SEC63: variants seen among roughly 807,000 people sequenced by gnomAD.
The protein encoded by SEC63 is SEC63 protein translocation regulator.
SEC63 carries 56 observed loss-of-function variants against 116.2 expected under a neutral mutation model. That is an observed-to-expected ratio of 0.48 (90% CI 0.39 to 0.60). The LOEUF (loss-of-function observed/expected upper bound fraction) is 0.60, where lower values mean the gene tolerates loss of function less well. SEC63 is among the 20% of genes least tolerant of loss of function. The pLI, the probability that SEC63 is intolerant of heterozygous loss-of-function variation, is 0.00. For missense variants in SEC63, 668 were observed against 900.0 expected, an observed-to-expected ratio of 0.74 and a Z score of 3.30; for synonymous variants, 273 against 294.6, an observed-to-expected ratio of 0.93 and a Z score of 0.75.
At chr6:107,957,222 T>C (rs1770727641) in intron 1 of SEC63, 1 of 152,196 alleles carries the variant, frequency 6.6e-6, no homozygotes, top group Non-Finnish European at 1.5e-5. Context: ...TCCTTCATAC[T>C]TGCACTTTTT....
chr6:107,953,676 C>G (rs867356030), intron 1 of SEC63, among the ~76,000 whole-genome samples: 1 of 123,936 alleles, frequency 8.1e-6, no homozygotes, highest in Non-Finnish European at 1.7e-5. Context: ...CCCGGCCAGC[C>G]GCCCCGTCCG....
intron 1 of SEC63, among the ~76,000 whole-genome samples, chr6:107,939,636 G>A (rs1770330712): frequency 1.3e-5 from 2 of 152,146 alleles, no homozygotes; most frequent in Middle Eastern, 3.4e-3. Context: ...ACCTGTTACT[G>A]GGGATGCTGA....
chr6:107,893,343 G>A (rs1464559856), intron 16 of SEC63, 139 bp downstream of exon 16: 17 of 740,698 alleles, frequency 2.3e-5, no homozygotes, highest in Non-Finnish European at 3.6e-5. Context: ...CACTGACTGA[G>A]AAGAGCACAA....
At position 107,876,574 on chromosome 6, in the gene SEC63, T is replaced by C; in HGVS notation, c.2024A>G (p.Asp675Gly). The change falls in exon 19 of 21, where the codon GAT becomes GGT. Residue 675 changes from aspartate (D) to glycine (G), a missense_variant. This residue lies in a region of SEC63 where 85 missense variants were observed against 116.3 expected (regional missense o/e 0.73). Transcript: ENST00000369002. The stretch of plus-strand genomic sequence containing the variant: ...TTGCTTGATAGTTACCTCCTCTGTA[T>C]CTTTCAGCGTACACACATGATATGG... ...SMPYHVCTLK[D>G]TEEVELKFPA... 1.3e-6 allele frequency: 2 copies of C among 1,594,228 alleles called. No individual in the cohort carries two copies. Among genetic ancestry groups the C allele is most frequent in the Non-Finnish European group, 1.7e-6 (2 of 1,164,640 alleles).
At chr6:107,886,671 G>T in intron 16 of SEC63, among the ~76,000 whole-genome samples, 1 of 149,658 alleles carries the variant, frequency 6.7e-6, no homozygotes, top group East Asian at 2.0e-4. Context: ...AAAAGTGCCT[G>T]TTCATATACT....
chr6:107,955,308 G>T (rs969886116), intron 1 of SEC63, among the ~76,000 whole-genome samples: 5 of 152,050 alleles, frequency 3.3e-5, no homozygotes, highest in Non-Finnish European at 7.4e-5. Context: ...AATTACAGGC[G>T]TCCGCCACCA....
At chr6:107,912,979 A>C (rs1787319853) in intron 5 of SEC63, among the ~76,000 whole-genome samples, 1 of 152,220 alleles carries the variant, frequency 6.6e-6, no homozygotes, top group East Asian at 1.9e-4. Context: ...AAATTTTTCA[A>C]GGAAAAAGAA....
chr6:107,934,509 T>C, intron 1 of SEC63, among the ~76,000 whole-genome samples: 1 of 130,414 alleles, frequency 7.7e-6, no homozygotes, highest in Non-Finnish European at 1.6e-5. Flanking sequence ...GAGGAGCCCC[T>C]CCGCCCGGCA....
intron 19 of SEC63, among the ~76,000 whole-genome samples, chr6:107,875,347 C>T (rs1786238067): frequency 6.6e-6 from 1 of 152,104 alleles, no homozygotes; most frequent in Non-Finnish European, 1.5e-5. Context: ...GGGTGGGGAT[C>T]TAGGGAGGTT....
chr6:107,913,730 A>G (rs540462215), intron 4 of SEC63, among the ~76,000 whole-genome samples: 1 of 152,318 alleles, frequency 6.6e-6, no homozygotes, highest in Admixed American at 6.5e-5. Flanking sequence ...TTTAAAGGCA[A>G]CTACATTTTC....
chr6:107,889,426 T>G (rs904455868), intron 16 of SEC63, among the ~76,000 whole-genome samples: 11 of 152,226 alleles, frequency 7.2e-5, no homozygotes, highest in African/African-American at 2.7e-4. Flanking sequence ...TTCTGTGGGA[T>G]CAGTGGTGAC....
intron 7 of SEC63, among the ~76,000 whole-genome samples, chr6:107,910,278 C>T (rs1197643518): frequency 1.3e-5 from 2 of 152,002 alleles, no homozygotes; most frequent in Non-Finnish European, 2.9e-5. Context: ...CCAGCCTGGG[C>T]AACGTGGCAA....
At chr6:107,950,760 AAAGGGAAGATC>A (rs1208855934) in intron 1 of SEC63, among the ~76,000 whole-genome samples, 1 of 152,226 alleles carries the variant, frequency 6.6e-6, no homozygotes, top group Non-Finnish European at 1.5e-5. Context: ...TAAGTTTTGA[AAAGGGAAGATC>A]AAGCCCCAAA....
chr6:107,937,920 T>A (rs1770292640), intron 1 of SEC63, among the ~76,000 whole-genome samples: 1 of 152,218 alleles, frequency 6.6e-6, no homozygotes, highest in Admixed American at 6.5e-5. Flanking sequence ...TCCCTATACA[T>A]TCTGGATTAG....
chr6:107,940,080 G>A (rs965503506), intron 1 of SEC63, among the ~76,000 whole-genome samples: 11 of 152,066 alleles, frequency 7.2e-5, no homozygotes, highest in African/African-American at 2.7e-4. Context: ...ACCTAAATCA[G>A]AAGGGTTACA....
chr6:107,936,819 T>C (rs1350860292), intron 1 of SEC63, among the ~76,000 whole-genome samples: 3 of 152,202 alleles, frequency 2.0e-5, no homozygotes, highest in Admixed American at 6.5e-5. Flanking sequence ...GAAGGAACGT[T>C]AGCCAGATCT....
chr6:107,916,730 T>C (rs1156252487), intron 4 of SEC63, among the ~76,000 whole-genome samples: 1 of 152,246 alleles, frequency 6.6e-6, no homozygotes. Context: ...TAGTGATATG[T>C]GATCTTTGAC....
chr6:107,925,547 T>C (rs905117430), intron 2 of SEC63, among the ~76,000 whole-genome samples: 2 of 152,182 alleles, frequency 1.3e-5, no homozygotes, highest in Non-Finnish European at 2.9e-5. Context: ...TAAAAGAACA[T>C]ATCATTTGAA....
chr6:107,876,666 G>GAAAC lies in SEC63; in HGVS notation c.1936-8_1936-5dup. ...GCCACCACCATTCTTGTTTTTCCTG[G>GAAAC]AAACAAAAAAAAAAAAAAAAAAAGA... is the stretch of plus-strand genomic sequence containing the variant. On this transcript the variant is annotated splice_region_variant and splice_polypyrimidine_tract_variant and intron_variant, in intron 18 of 20. Transcript: ENST00000369002. The GAAAC allele has an allele frequency of 1.1e-5, 6 of 552,628 alleles. No individual in the cohort carries two copies. The highest frequency in any genetic ancestry group is 6.1e-5 in the African/African-American group (1 of 16,406). The allele number at this position is 552,628 out of a possible 1,614,324, so 34.2% of individuals were successfully genotyped here. A position where few individuals can be genotyped will look rare whatever the true frequency, so the allele number is the denominator to read the frequency against.
Sources: allele counts gnomAD v4.1 joint callset (sites outside exome capture counted in the v4.1 genomes callset), GRCh38; gene constraint gnomAD v4.1.1; regional missense constraint gnomAD v4.1.1; transcripts MANE v1.5; gene names NCBI Gene and HGNC (gene_info 2026-07-23, HGNC 2026-07-21).